Variants in RCAN1 observed in about 807,000 individuals in gnomAD.
The protein encoded by RCAN1 is calcipressin-1.
Under a neutral mutation model 22.9 loss-of-function variants are expected in RCAN1, and 11 were observed. The ratio of observed to expected loss-of-function variants is 0.48; its 90% CI spans 0.30 to 0.79. RCAN1 has a LOEUF of 0.79. Ranked by LOEUF, RCAN1 falls within the 30% of genes least tolerant of loss-of-function variation. The pLI is 0.06. For missense variants in RCAN1, 291 were observed against 337.8 expected, an observed-to-expected ratio of 0.86 and a Z score of 1.09; for synonymous variants, 136 against 142.3, an observed-to-expected ratio of 0.96 and a Z score of 0.32.
rs59370758 is a variant in RCAN1 at position 34,588,690 on chromosome 21, T to C, written c.252+26070A>G. Among the ~76,000 whole-genome samples the C allele has an allele frequency of 2.0e-3, 309 of 152,308 alleles. 4 individuals are homozygous for C. The East Asian group carries it at 0.039, about 19-fold the overall frequency. Reference sequence around the variant, plus strand: ...GCAATTCCACCTCTGTGTATGTATCTAAAAGAATTGAAAGCAGGGTCCTGA... The same window carrying C: ...GCAATTCCACCTCTGTGTATGTATCCAAAAGAATTGAAAGCAGGGTCCTGA... On this transcript the variant is annotated intron_variant, in intron 1 of 3. Coordinates refer to ENST00000313806, the MANE Select transcript of RCAN1 (RefSeq NM_004414.7).
chr21:34,516,638 C>T lies in RCAN1; in HGVS notation c.*1446G>A, dbSNP rs768862139. The stretch of plus-strand genomic sequence containing the variant: ...AAACCGGCTCCCTCTTACCAAGTAC[C>T]GTAAACAGGGTTTGAGAACGTTCAA... On this transcript the variant is annotated 3_prime_UTR_variant, in exon 4 of 4. Coordinates refer to ENST00000313806, the MANE Select transcript of RCAN1 (RefSeq NM_004414.7). 1 of 152,186 alleles carries T rather than the reference C, an allele frequency of 6.6e-6. No individual in the cohort carries two copies. 9.4% of individuals were successfully genotyped at this position (152,186 alleles called of 1,614,324 possible). A position where few individuals can be genotyped will look rare whatever the true frequency, so the allele number is the denominator to read the frequency against.
At chr21:34,585,255 A>C (rs1207580367) in intron 1 of RCAN1, among the ~76,000 whole-genome samples, 1 of 152,352 alleles carries the variant, frequency 6.6e-6, no homozygotes, top group East Asian at 1.9e-4. Flanking sequence ...ATTTATAAGC[A>C]TTCTTAGAAT....
At chr21:34,576,956 C>T (rs553962695) in intron 1 of RCAN1, among the ~76,000 whole-genome samples, 1 of 152,284 alleles carries the variant, frequency 6.6e-6, no homozygotes, top group South Asian at 2.1e-4. Flanking sequence ...TTTCTTCATT[C>T]CAGAACATCA....
At chr21:34,609,888 G>A (rs929799591) in intron 1 of RCAN1, among the ~76,000 whole-genome samples, 5 of 152,100 alleles carry the variant, frequency 3.3e-5, no homozygotes, top group South Asian at 2.1e-4. Context: ...AATAAACTTC[G>A]CACATATGTA....
intron 1 of RCAN1, among the ~76,000 whole-genome samples, chr21:34,557,135 C>T (rs979310856): frequency 7.9e-5 from 12 of 152,172 alleles, no homozygotes; most frequent in African/African-American, 2.9e-4. Context: ...ATTTCTTGAA[C>T]CCGGGAGGCG....
chr21:34,533,107 C>T (rs1003145095), intron 1 of RCAN1, among the ~76,000 whole-genome samples: 105 of 151,728 alleles, frequency 6.9e-4, no homozygotes, highest in African/African-American at 2.4e-3. Context: ...ACTACAGGTG[C>T]CCGCCACCAC....
chr21:34,586,239 T>C (rs746961519), intron 1 of RCAN1, among the ~76,000 whole-genome samples: 1 of 152,232 alleles, frequency 6.6e-6, no homozygotes, highest in Non-Finnish European at 1.5e-5. Flanking sequence ...ATATATGTTG[T>C]TGTTAAGAAG....
In RCAN1 at chr21:34,517,273, T is replaced by C. The variant is rs1984108111; in HGVS notation, c.*811A>G. On this transcript the variant is annotated 3_prime_UTR_variant, in exon 4 of 4. Coordinates refer to ENST00000313806, the MANE Select transcript of RCAN1 (RefSeq NM_004414.7). ...ACCTAAACTAAAATTTCTCACCCAC[T>C]AAAAGTTGGCAGTGAAACTGCTATT... The C allele has an allele frequency of 6.6e-6, 1 of 152,214 alleles. No homozygotes were observed. 9.4% of individuals were successfully genotyped at this position (152,214 alleles called of 1,614,324 possible).
intron 1 of RCAN1, among the ~76,000 whole-genome samples, chr21:34,590,177 A>G (rs1987925651): frequency 6.6e-6 from 1 of 152,182 alleles, no homozygotes; most frequent in African/African-American, 2.4e-5. Flanking sequence ...GAGTTTAAAA[A>G]TCATATCCTC....
intron 1 of RCAN1, among the ~76,000 whole-genome samples, chr21:34,557,740 G>T (rs769837113): frequency 2.6e-5 from 4 of 152,186 alleles, no homozygotes; most frequent in Non-Finnish European, 4.4e-5. Context: ...AGATGATGCT[G>T]ATAGATTTAA....
chr21:34,573,623 C>T (rs1987308981), intron 1 of RCAN1, among the ~76,000 whole-genome samples: 1 of 152,192 alleles, frequency 6.6e-6, no homozygotes, highest in Admixed American at 6.5e-5. Context: ...TCAACTTCCA[C>T]TTTATAAAAC....
At chr21:34,535,372 G>A (rs1416494807) in intron 1 of RCAN1, among the ~76,000 whole-genome samples, 1 of 151,752 alleles carries the variant, frequency 6.6e-6, no homozygotes, top group African/African-American at 2.4e-5. Context: ...CTTGGCCACA[G>A]GGAAGTGGTA....
At chr21:34,522,188 G>GAAAAA (rs60440958) in intron 2 of RCAN1, 1 of 135,968 alleles carries the variant, frequency 7.4e-6, no homozygotes. Context: ...TCAGATGCCA[G>GAAAAA]AAAAAAAAAA....
At position 34,614,892 on chromosome 21, in the gene RCAN1, G is replaced by C. The variant is rs770210892; in HGVS notation, c.120C>G (p.Ala40=). 6.9e-6 allele frequency: 10 copies of C among 1,439,014 alleles called. No homozygotes were observed. Among genetic ancestry groups the C allele is most frequent in the Non-Finnish European group, 9.2e-6 (10 of 1,090,524 alleles). The allele number at this position is 1,439,014 out of a possible 1,614,324, so 89.1% of individuals were successfully genotyped here. The part of the protein sequence containing the change: ...LRPFAPLSGA[A]EADEGGGDWS... ...AGTCGCCGCCGCCCTCGTCCGCCTC[G>C]GCCGCCCCCGAGAGGGGCGCGAAGG... is the stretch of plus-strand genomic sequence containing the variant. The change falls in exon 1 of 4, where the codon GCC becomes GCG. Residue 40 remains alanine (A), a synonymous_variant. Transcript: ENST00000313806. The surrounding 1 kb of genome is among the most constrained non-coding windows in gnomAD (Gnocchi z 6.0).
chr21:34,519,324 A>G (rs1217135251), intron 3 of RCAN1, among the ~76,000 whole-genome samples: 2 of 151,118 alleles, frequency 1.3e-5, no homozygotes, highest in Admixed American at 1.3e-4. Context: ...GTGTGGCCTC[A>G]TGGTCAGTTT....
intron 1 of RCAN1, among the ~76,000 whole-genome samples, chr21:34,607,721 A>G (rs1460546379): frequency 6.6e-6 from 1 of 152,228 alleles, no homozygotes; most frequent in Non-Finnish European, 1.5e-5. Flanking sequence ...ACAGAAGTCA[A>G]AAAAGTTTCC....
At position 34,560,583 on chromosome 21, in the gene RCAN1, G is replaced by A. The variant is rs543405370; in HGVS notation, c.253-36873C>T. 2.2e-4 allele frequency among the ~76,000 whole-genome samples: 33 copies of A among 152,250 alleles called. 1 individual carries two copies. The highest frequency in any genetic ancestry group is 1.9e-3 in the Admixed American group (29 of 15,302). ...AGAGGATTGTTGTAAAGTTCTAAAT[G>A]ATGAAGACAGGGCTTTATAACGGAA... On this transcript the variant is annotated intron_variant, in intron 1 of 3. Transcript: ENST00000313806.
chr21:34,614,528 CTG>C lies in RCAN1; in HGVS notation c.252+230_252+231del. The C allele has an allele frequency of 9.6e-7, 1 of 1,039,742 alleles. No individual in the cohort carries two copies. Among genetic ancestry groups the C allele is most frequent in the Non-Finnish European group, 1.2e-6 (1 of 860,224 alleles). The allele number at this position is 1,039,742 out of a possible 1,614,324, so 64.4% of individuals were successfully genotyped here. On this transcript the variant is annotated intron_variant, in intron 1 of 3. Coordinates refer to ENST00000313806, the MANE Select transcript of RCAN1 (RefSeq NM_004414.7). This position sits in a 1 kb window ranked among gnomAD's most constrained non-coding sequence, Gnocchi z 6.0. The stretch of plus-strand genomic sequence containing the variant: ...GGCGCACACGGGGGCCGGGGCGAGC[CTG>C]TGGGACTCTGCAGTGAGCTCCGCGC...
intron 1 of RCAN1, among the ~76,000 whole-genome samples, chr21:34,602,919 G>A (rs939195858): frequency 3.3e-5 from 5 of 152,006 alleles, no homozygotes; most frequent in African/African-American, 7.2e-5. Flanking sequence ...CCTTTCAAAA[G>A]TCTCCCCTTC....
Sources: gnomAD v4.1 joint callset for allele counts (sites outside exome capture counted in the v4.1 genomes callset) on GRCh38, gnomAD v4.1.1 for gene constraint, Gnocchi (gnomAD v3.1) non-coding constraint, MANE v1.5 for transcripts, NCBI Gene and HGNC (gene_info 2026-07-23, HGNC 2026-07-21) for gene names.